Variants in KCNIP4 observed in about 807,000 individuals in gnomAD.
KCNIP4 encodes the protein potassium voltage-gated channel interacting protein 4.
A neutral mutation model predicts 34.0 loss-of-function variants in KCNIP4; 12 were observed. The observed-to-expected ratio is 0.35, with a 90% CI of 0.23 to 0.57. The LOEUF (loss-of-function observed/expected upper bound fraction) is 0.57, where lower values mean the gene tolerates loss of function less well. Ranked by LOEUF, KCNIP4 falls within the 20% of genes least tolerant of loss-of-function variation. The pLI is 0.83. For missense variants in KCNIP4, 238 were observed against 311.7 expected, an observed-to-expected ratio of 0.76 and a Z score of 1.78; for synonymous variants, 124 against 102.2, an observed-to-expected ratio of 1.21 and a Z score of -1.29.
intron 1 of KCNIP4, among the ~76,000 whole-genome samples, chr4:21,709,669 T>A (rs1334638361): frequency 1.3e-5 from 2 of 152,158 alleles, no homozygotes; most frequent in African/African-American, 4.8e-5. Flanking sequence ...ATAACGGTAG[T>A]ATTAAAACAG....
chr4:21,086,255 C>T (rs991732725), intron 1 of KCNIP4, among the ~76,000 whole-genome samples: 4 of 152,258 alleles, frequency 2.6e-5, no homozygotes, highest in South Asian at 4.1e-4. Context: ...ATATTATTCT[C>T]TCATGCATCT....
intron 1 of KCNIP4, chr4:21,844,181 T>A (rs1189670318): frequency 6.6e-6 from 1 of 151,992 alleles, no homozygotes; most frequent in Admixed American, 6.6e-5. Context: ...TTAGGACACA[T>A]ATACACAAGC....
At chr4:21,572,726 A>G (rs1392058932) in intron 1 of KCNIP4, among the ~76,000 whole-genome samples, 1 of 151,796 alleles carries the variant, frequency 6.6e-6, no homozygotes, top group African/African-American at 2.4e-5. Flanking sequence ...CCTGAGTTCA[A>G]GTGATTCTTG....
chr4:21,688,910 G>A (rs1219389145), intron 1 of KCNIP4, among the ~76,000 whole-genome samples: 5 of 151,718 alleles, frequency 3.3e-5, no homozygotes, highest in South Asian at 4.2e-4. Flanking sequence ...TTACAGTCCC[G>A]TTGCTTCACC....
chr4:21,039,701 A>C (rs188036686), intron 1 of KCNIP4, among the ~76,000 whole-genome samples: 44 of 152,290 alleles, frequency 2.9e-4, no homozygotes, highest in African/African-American at 1.0e-3. Context: ...ACTTTCACTA[A>C]CAGACCATAT....
intron 1 of KCNIP4, among the ~76,000 whole-genome samples, chr4:21,030,375 C>G (rs114715079): frequency 0.012 from 1,874 of 152,238 alleles, 46 homozygotes; most frequent in African/African-American, 0.043. Context: ...ATGGCTCCTA[C>G]TCATTCTATA....
chr4:20,812,340 G>T (rs1715874920), intron 3 of KCNIP4, among the ~76,000 whole-genome samples: 3 of 152,124 alleles, frequency 2.0e-5, no homozygotes, highest in African/African-American at 7.2e-5. Flanking sequence ...GTGAGGTGAA[G>T]AATTCGGTAT....
chr4:21,483,165 A>G (rs1228402486), intron 1 of KCNIP4, among the ~76,000 whole-genome samples: 1 of 151,834 alleles, frequency 6.6e-6, no homozygotes, highest in Non-Finnish European at 1.5e-5. Flanking sequence ...AACATGGCAC[A>G]TGTATACATA....
At chr4:21,227,601 TTTATC>T (rs1219719976) in intron 1 of KCNIP4, among the ~76,000 whole-genome samples, 2 of 152,168 alleles carry the variant, frequency 1.3e-5, no homozygotes, top group Non-Finnish European at 2.9e-5. Flanking sequence ...TGTCTGTTCA[TTTATC>T]TTAAGTTCCA....
intron 1 of KCNIP4, among the ~76,000 whole-genome samples, chr4:21,908,773 CT>C (rs973245203): frequency 6.6e-5 from 10 of 152,118 alleles, no homozygotes; most frequent in African/African-American, 2.2e-4. Flanking sequence ...TTATATTTTT[CT>C]TCCGCAATCA....
At chr4:21,895,084 A>G (rs1226658440) in intron 1 of KCNIP4, among the ~76,000 whole-genome samples, 1 of 152,126 alleles carries the variant, frequency 6.6e-6, no homozygotes, top group Non-Finnish European at 1.5e-5. Context: ...ACATTTCTCA[A>G]TTGGAAGATG....
chr4:21,167,799 G>A (rs916380494), intron 1 of KCNIP4, among the ~76,000 whole-genome samples: 4 of 152,144 alleles, frequency 2.6e-5, no homozygotes, highest in East Asian at 1.9e-4. Context: ...ACTTCTTCAC[G>A]ATTAACAATG....
chr4:20,866,481 C>T (rs1046556398), intron 2 of KCNIP4, among the ~76,000 whole-genome samples: 2 of 151,900 alleles, frequency 1.3e-5, no homozygotes, highest in Non-Finnish European at 2.9e-5. Flanking sequence ...AAACCCTTAC[C>T]AGACTAGGCA....
intron 1 of KCNIP4, among the ~76,000 whole-genome samples, chr4:21,024,731 T>C (rs1363550649): frequency 6.6e-6 from 1 of 152,216 alleles, no homozygotes; most frequent in Non-Finnish European, 1.5e-5. Context: ...CGCTGACATT[T>C]AGTGAATGTC....
chr4:21,333,755 A>C (rs1715884747), intron 1 of KCNIP4, among the ~76,000 whole-genome samples: 1 of 152,126 alleles, frequency 6.6e-6, no homozygotes, highest in African/African-American at 2.4e-5. Flanking sequence ...AACCAAAAAA[A>C]AATCAATAAA....
intron 1 of KCNIP4, among the ~76,000 whole-genome samples, chr4:21,059,423 A>AT (rs1399378722): frequency 1.3e-5 from 2 of 151,998 alleles, no homozygotes; most frequent in African/African-American, 2.4e-5. Flanking sequence ...CATGGCTTAC[A>AT]TTTTCTGCTG....
chr4:20,906,392 T>C (rs1238230902), intron 1 of KCNIP4, among the ~76,000 whole-genome samples: 1 of 152,182 alleles, frequency 6.6e-6, no homozygotes, highest in Admixed American at 6.5e-5. Flanking sequence ...TTCATCTATG[T>C]CTCACCCTTC....
intron 1 of KCNIP4, among the ~76,000 whole-genome samples, chr4:21,190,734 GAAGA>G (rs61319690): frequency 0.07 from 10,705 of 152,136 alleles, 444 homozygotes; most frequent in East Asian, 0.15. Context: ...AAAAATACAA[GAAGA>G]AAGAAACTCT....
intron 1 of KCNIP4, among the ~76,000 whole-genome samples, chr4:20,964,001 A>C (rs1043444248): frequency 2.6e-5 from 4 of 152,204 alleles, no homozygotes; most frequent in African/African-American, 9.6e-5. Context: ...AACTCCATGA[A>C]TTTCCAACTT....
Sources: allele counts gnomAD v4.1 joint callset (sites outside exome capture counted in the v4.1 genomes callset), GRCh38; gene constraint gnomAD v4.1.1; transcripts MANE v1.5; gene names NCBI Gene and HGNC (gene_info 2026-07-23, HGNC 2026-07-21).